Variants in EML5 observed in about 807,000 individuals in gnomAD.
The protein encoded by EML5 is EMAP like 5.
A neutral mutation model predicts 250.0 loss-of-function variants in EML5; 120 were observed. The ratio of observed to expected loss-of-function variants is 0.48; its 90% confidence interval spans 0.41 to 0.56. The LOEUF is 0.56. Among genes scored for constraint, EML5 ranks in the 20% least tolerant of loss-of-function variants. The pLI is 0.00. For synonymous variants in EML5, 771 were observed against 806.5 expected, an observed-to-expected ratio of 0.96 and a Z score of 0.75; for missense variants, 2,006 against 2,437.6, an observed-to-expected ratio of 0.82 and a Z score of 3.73.
At position 88,753,818 on chromosome 14, in the gene EML5, T is replaced by C. The variant is rs1282118850; in HGVS notation, c.357+694A>G. Among the ~76,000 whole-genome samples the C allele has an allele frequency of 2.0e-5, 3 of 152,160 alleles. 1 individual carries two copies. Among genetic ancestry groups the C allele is most frequent in the East Asian group, 3.9e-4 (2 of 5,194 alleles). On this transcript the variant is annotated intron_variant, in intron 2 of 43. Transcript: ENST00000554922. ...ATATTCAATAAAAATATAATTTTAATAGACAACCTTTAAGGTAACTGAAAA... is the reference window on the plus strand; with the variant it reads ...ATATTCAATAAAAATATAATTTTAACAGACAACCTTTAAGGTAACTGAAAA...
chr14:88,656,364 G>A (rs2091869968), intron 27 of EML5, among the ~76,000 whole-genome samples: 1 of 152,016 alleles, frequency 6.6e-6, no homozygotes, highest in Admixed American at 6.6e-5. Context: ...AACTAACACA[G>A]GAACAGAAAA....
intron 32 of EML5, among the ~76,000 whole-genome samples, chr14:88,638,003 C>T (rs547946159): frequency 3.3e-5 from 5 of 152,056 alleles, no homozygotes; most frequent in African/African-American, 7.2e-5. Flanking sequence ...ACTTAGTACT[C>T]GCATGAAAAA....
At chr14:88,763,206 A>G (rs1261194750) in intron 1 of EML5, among the ~76,000 whole-genome samples, 2 of 152,190 alleles carry the variant, frequency 1.3e-5, no homozygotes, top group Non-Finnish European at 2.9e-5. Context: ...CAAAAAATCA[A>G]TGAATCAGGA....
At position 88,685,023 on chromosome 14, in the gene EML5, G is replaced by C. The variant is rs1390453908; in HGVS notation, c.2974C>G (p.Leu992Val). 5.0e-6 allele frequency: 8 copies of C among 1,599,754 alleles called. No homozygotes were observed. The highest frequency in any genetic ancestry group is 6.8e-6 in the Non-Finnish European group (8 of 1,173,792). The change falls in exon 20 of 44, where the codon CTG becomes GTG. Residue 992 changes from leucine to valine, a missense_variant. Transcript: ENST00000554922. ...TTAGCATTTAAAATTACCTGAACCAGAAGTGTTATTGGGCCACTTTTATCC... is the reference window on the plus strand; with the variant it reads ...TTAGCATTTAAAATTACCTGAACCACAAGTGTTATTGGGCCACTTTTATCC... ...EVDKSGPITL[L>V]VQGHMEGEVW...
At chr14:88,689,485 T>A (rs2092910806) in intron 17 of EML5, among the ~76,000 whole-genome samples, 1 of 152,262 alleles carries the variant, frequency 6.6e-6, no homozygotes, top group Non-Finnish European at 1.5e-5. Context: ...CATTTTCATA[T>A]TTTTACTGGC....
intron 31 of EML5, among the ~76,000 whole-genome samples, chr14:88,639,463 A>C (rs1001118379): frequency 6.6e-6 from 1 of 152,224 alleles, no homozygotes; most frequent in Non-Finnish European, 1.5e-5. Flanking sequence ...TGGTTTCTCA[A>C]AGAAAAGGAT....
intron 25 of EML5, among the ~76,000 whole-genome samples, chr14:88,660,594 T>A (rs1423283816): frequency 1.3e-5 from 2 of 151,590 alleles, no homozygotes; most frequent in Non-Finnish European, 2.9e-5. Flanking sequence ...TACAAAAAAA[T>A]TAGCTGGGCA....
chr14:88,768,710 C>A (rs1350847023), intron 1 of EML5, among the ~76,000 whole-genome samples: 1 of 152,134 alleles, frequency 6.6e-6, no homozygotes, highest in Non-Finnish European at 1.5e-5. Context: ...TCGCACCTGG[C>A]CTATAATGTG....
intron 1 of EML5, among the ~76,000 whole-genome samples, chr14:88,757,488 A>C (rs1223357023): frequency 5.0e-4 from 76 of 152,206 alleles, no homozygotes; most frequent in Non-Finnish European, 1.9e-4. Flanking sequence ...AAAATTAAAA[A>C]CTTTTATGCT....
At position 88,702,511 on chromosome 14, in the gene EML5, C is replaced by A; in HGVS notation, c.2173G>T (p.Gly725Cys). The A allele has an allele frequency of 6.2e-7, 1 of 1,613,184 alleles. No homozygotes were observed. The highest frequency in any genetic ancestry group is 8.5e-7 in the Non-Finnish European group (1 of 1,179,502). ...AGGCAGAGAATATCATCATCATGACCCAGATAAAAACGCTGTGTGTTTTGC... is the reference window on the plus strand; with the variant it reads ...AGGCAGAGAATATCATCATCATGACACAGATAAAAACGCTGTGTGTTTTGC... ...RQQNTQRFYL[G>C]HDDDILCLTI... The change falls in exon 14 of 44, where the codon GGT (glycine) becomes TGT (cysteine). Residue 725 changes from glycine to cysteine, a missense_variant. Gly to Cys is a radical substitution (Grantham distance 159). Transcript: ENST00000554922.
chr14:88,790,393 A>C (rs1009280184), intron 1 of EML5, among the ~76,000 whole-genome samples: 1 of 152,258 alleles, frequency 6.6e-6, no homozygotes, highest in Non-Finnish European at 1.5e-5. Flanking sequence ...CAACTATACC[A>C]AAAGAAAGTC....
intron 1 of EML5, among the ~76,000 whole-genome samples, chr14:88,786,855 CA>C (rs1281880114): frequency 6.6e-6 from 1 of 152,190 alleles, no homozygotes; most frequent in Admixed American, 6.5e-5. Flanking sequence ...CTCCCAGTCT[CA>C]GGTATCTCTT....
intron 32 of EML5, among the ~76,000 whole-genome samples, chr14:88,637,523 A>G (rs1207520604): frequency 1.3e-5 from 2 of 152,166 alleles, no homozygotes; most frequent in Admixed American, 6.5e-5. Context: ...GGGAAATGAA[A>G]GAACCATATT....
chr14:88,746,129 C>T, intron 3 of EML5, 56 bp downstream of exon 3: 1 of 1,378,892 alleles, frequency 7.3e-7, no homozygotes, highest in Non-Finnish European at 1.0e-6. Flanking sequence ...CTCCTGAACT[C>T]TCTTCTGGTC....
rs75331461 is a variant in EML5 at position 88,626,354 on chromosome 14, G to T, written c.4740+484C>A. On this transcript the variant is annotated intron_variant, in intron 35 of 43. Coordinates refer to ENST00000554922, the MANE Select transcript of EML5 (RefSeq NM_183387.3). ...GTTCATCAGAATCCTTATTATGGTGGCTCATGCCTGTAAACCCAGCACTTT... is the reference window on the plus strand; with the variant it reads ...GTTCATCAGAATCCTTATTATGGTGTCTCATGCCTGTAAACCCAGCACTTT... 4.3e-3 allele frequency: 679 copies of T among 156,560 alleles called. 16 individuals carry two copies. In the East Asian group the frequency reaches 0.053, roughly 12 times the overall value. 9.7% of individuals were successfully genotyped at this position (156,560 alleles called of 1,614,324 possible). A position where few individuals can be genotyped will look rare whatever the true frequency, so the allele number is the denominator to read the frequency against.
At chr14:88,628,230 T>A (rs975955789) in intron 33 of EML5, among the ~76,000 whole-genome samples, 1 of 152,118 alleles carries the variant, frequency 6.6e-6, no homozygotes, top group East Asian at 1.9e-4. Flanking sequence ...ACTGATGTTA[T>A]CTGAAAGAGA....
intron 1 of EML5, among the ~76,000 whole-genome samples, chr14:88,767,854 T>C (rs983435216): frequency 2.8e-5 from 4 of 143,596 alleles, no homozygotes; most frequent in Admixed American, 7.0e-5. Flanking sequence ...ATTAGTACAA[T>C]ATCATTACCT....
At chr14:88,728,579 TAA>T (rs1566711528) in intron 7 of EML5, among the ~76,000 whole-genome samples, 1 of 152,122 alleles carries the variant, frequency 6.6e-6, no homozygotes, top group African/African-American at 2.4e-5. Flanking sequence ...TGGATCATCA[TAA>T]AAGTCTACAT....
chr14:88,680,390 G>A (rs2092691699), intron 21 of EML5, among the ~76,000 whole-genome samples: 1 of 151,784 alleles, frequency 6.6e-6, no homozygotes, highest in Non-Finnish European at 1.5e-5. Flanking sequence ...ATCTATCCTG[G>A]CCTGGGTTCT....
Sources: allele counts gnomAD v4.1 joint callset (sites outside exome capture counted in the v4.1 genomes callset), GRCh38; gene constraint gnomAD v4.1.1; transcripts MANE v1.5; gene names NCBI Gene and HGNC (gene_info 2026-07-23, HGNC 2026-07-21).